Variants in ROR1 observed in about 807,000 individuals in gnomAD.
ROR1 encodes ROR family WNT receptor 1, also known as inactive tyrosine-protein kinase transmembrane receptor ROR1.
Under a neutral mutation model 78.8 loss-of-function variants are expected in ROR1, and 19 were observed. The ratio of observed to expected loss-of-function variants is 0.24; its 90% CI spans 0.17 to 0.35. The LOEUF (loss-of-function observed/expected upper bound fraction) is 0.35. Among genes scored for constraint, ROR1 ranks in the 10% least tolerant of loss-of-function variants. The pLI, the probability that ROR1 is intolerant of heterozygous loss-of-function variation, is 1.00. For synonymous variants in ROR1, 386 were observed against 433.6 expected (o/e 0.89, Z 1.36); for missense variants, 917 against 1,177.8 (o/e 0.78, Z 3.24).
chr1:64,081,364 A>G (rs981326501), intron 4 of ROR1, among the ~76,000 whole-genome samples: 3 of 152,230 alleles, frequency 2.0e-5, no homozygotes, highest in Non-Finnish European at 4.4e-5. Context: ...AATGTTAGAC[A>G]TATTGTGAAA....
chr1:63,789,397 G>T (rs933515527), intron 1 of ROR1: 1 of 358,504 alleles, frequency 2.8e-6, no homozygotes, highest in Admixed American at 3.8e-5. Flanking sequence ...CAGTGAATGG[G>T]GACACCTGAG....
intron 4 of ROR1, among the ~76,000 whole-genome samples, chr1:64,093,672 T>A (rs978932920): frequency 1.3e-5 from 2 of 151,192 alleles, no homozygotes; most frequent in African/African-American, 2.4e-5. Flanking sequence ...CCTGAACCTC[T>A]TTTTTTTTGT....
At chr1:63,841,738 G>A (rs1352266829) in intron 1 of ROR1, among the ~76,000 whole-genome samples, 1 of 152,176 alleles carries the variant, frequency 6.6e-6, no homozygotes, top group Non-Finnish European at 1.5e-5. Flanking sequence ...CATTTATTGA[G>A]CATATACATT....
At chr1:64,164,920 G>C (rs1650043444) in intron 8 of ROR1, among the ~76,000 whole-genome samples, 1 of 152,174 alleles carries the variant, frequency 6.6e-6, no homozygotes, top group Non-Finnish European at 1.5e-5. Flanking sequence ...CCCTGCAAAG[G>C]ATGTGATCTT....
At chr1:64,098,886 G>A (rs562413045) in intron 4 of ROR1, among the ~76,000 whole-genome samples, 4 of 152,212 alleles carry the variant, frequency 2.6e-5, no homozygotes, top group Non-Finnish European at 5.9e-5. Flanking sequence ...AATAAATATC[G>A]GGGCTATGGG....
intron 4 of ROR1, among the ~76,000 whole-genome samples, chr1:64,127,787 C>T (rs577763787): frequency 6.6e-6 from 1 of 152,302 alleles, no homozygotes; most frequent in East Asian, 1.9e-4. Context: ...AATAAACCAT[C>T]TTAACTTGAA....
chr1:63,816,399 G>A (rs910859965), intron 1 of ROR1, among the ~76,000 whole-genome samples: 3 of 152,166 alleles, frequency 2.0e-5, no homozygotes, highest in South Asian at 4.1e-4. Context: ...CTCATGAAAC[G>A]TGATGGTTTT....
chr1:63,782,742 C>G (rs2100223258), intron 1 of ROR1, among the ~76,000 whole-genome samples: 2 of 152,192 alleles, frequency 1.3e-5, no homozygotes, highest in Middle Eastern at 6.8e-3. Flanking sequence ...AACCCCTTCC[C>G]AAATAATTTA....
chr1:64,009,754 A>G (rs886546997), intron 2 of ROR1, among the ~76,000 whole-genome samples: 1 of 152,176 alleles, frequency 6.6e-6, no homozygotes, highest in Admixed American at 6.5e-5. Context: ...TTTCACGATG[A>G]GCATTTGATG....
At chr1:63,877,423 A>G (rs960113482) in intron 1 of ROR1, among the ~76,000 whole-genome samples, 3 of 152,160 alleles carry the variant, frequency 2.0e-5, no homozygotes, top group Admixed American at 6.6e-5. Context: ...CGTTGTAATA[A>G]TTGCCTGACA....
chr1:64,056,196 T>C (rs1646872823), intron 4 of ROR1, among the ~76,000 whole-genome samples: 1 of 152,178 alleles, frequency 6.6e-6, no homozygotes, highest in Non-Finnish European at 1.5e-5. Context: ...TACCTAGAAA[T>C]AGAATTCCTG....
At chr1:63,778,918 A>C (rs747697999) in intron 1 of ROR1, among the ~76,000 whole-genome samples, 2 of 152,222 alleles carry the variant, frequency 1.3e-5, no homozygotes, top group Non-Finnish European at 2.9e-5. Context: ...TACAATTTAT[A>C]TTCTTTTAAT....
At chr1:63,849,091 A>T (rs1466985839) in intron 1 of ROR1, among the ~76,000 whole-genome samples, 1 of 152,224 alleles carries the variant, frequency 6.6e-6, no homozygotes, top group African/African-American at 2.4e-5. Context: ...AAGAAAAAAC[A>T]TGGAATGTTA....
chr1:63,778,316 A>G lies in ROR1; in HGVS notation c.91+3808A>G, dbSNP rs555395268. 2.6e-5 allele frequency among the ~76,000 whole-genome samples: 4 copies of G among 152,326 alleles called. No homozygotes were observed. In the South Asian group the frequency reaches 6.2e-4, roughly 24 times the overall value. ...TTTTTACGGTTCTGTATTTATAGCT[A>G]TAGCTATAATCTTATTTTCCAAGAA... is the stretch of plus-strand genomic sequence containing the variant. On this transcript the variant is annotated intron_variant, in intron 1 of 8. Coordinates refer to ENST00000371079, the MANE Select transcript of ROR1 (RefSeq NM_005012.4).
At chr1:63,864,944 A>T (rs371823820) in intron 1 of ROR1, among the ~76,000 whole-genome samples, 1 of 151,576 alleles carries the variant, frequency 6.6e-6, no homozygotes, top group African/African-American at 2.4e-5. Flanking sequence ...TACTCATCCA[A>T]TCTGTGAGTT....
intron 1 of ROR1, among the ~76,000 whole-genome samples, chr1:63,927,771 A>C (rs2100439496): frequency 6.6e-6 from 1 of 152,252 alleles, no homozygotes; most frequent in East Asian, 1.9e-4. Context: ...ACTCCATTGC[A>C]ATCATGAGGA....
Position 63,882,361 on chromosome 1 carries a change from C to T in ROR1, c.91+107853C>T, listed in dbSNP as rs563253628. 2.6e-5 allele frequency among the ~76,000 whole-genome samples: 4 copies of T among 152,298 alleles called. No individual in the cohort carries two copies. In the East Asian group the frequency reaches 7.7e-4, roughly 29 times the overall value. ...AAAATATTAATCTGAAAAGAAGGCACTGATGGCAGGCACCCTTTAGAGCTC... is the reference window on the plus strand; with the variant it reads ...AAAATATTAATCTGAAAAGAAGGCATTGATGGCAGGCACCCTTTAGAGCTC... On this transcript the variant is annotated intron_variant, in intron 1 of 8. Coordinates refer to ENST00000371079, the MANE Select transcript of ROR1 (RefSeq NM_005012.4).
intron 4 of ROR1, among the ~76,000 whole-genome samples, chr1:64,059,271 G>A (rs1222204041): frequency 6.6e-6 from 1 of 152,040 alleles, no homozygotes; most frequent in Non-Finnish European, 1.5e-5. Flanking sequence ...TTGAAAACTG[G>A]ATATTGAAAT....
chr1:64,085,742 G>A (rs1011652561), intron 4 of ROR1, among the ~76,000 whole-genome samples: 17 of 152,068 alleles, frequency 1.1e-4, no homozygotes, highest in Admixed American at 1.3e-4. Flanking sequence ...ATTAAGAAAG[G>A]GACAGGTTCT....
Sources: allele counts gnomAD v4.1 joint callset (sites outside exome capture counted in the v4.1 genomes callset), GRCh38; gene constraint gnomAD v4.1.1; transcripts MANE v1.5; gene names NCBI Gene and HGNC (gene_info 2026-07-23, HGNC 2026-07-21).